Variants in COL6A3 observed in about 807,000 individuals in gnomAD.
COL6A3 encodes the protein collagen alpha-3(VI) chain.
In COL6A3, 137 loss-of-function variants were observed where a neutral mutation model predicts 274.1. The observed-to-expected ratio is 0.50, with a 90% CI of 0.44 to 0.58. The LOEUF (loss-of-function observed/expected upper bound fraction) is 0.58. Ranked by LOEUF, COL6A3 falls within the 20% of genes least tolerant of loss-of-function variation. The pLI is 0.00. For synonymous variants in COL6A3, 1,650 were observed against 1,650.6 expected (o/e 1.00, Z 0.01); for missense variants, 3,950 against 4,124.9 (o/e 0.96, Z 1.16).
chr2:237,368,442 T>C lies in COL6A3; in HGVS notation c.4900+121A>G. On this transcript the variant is annotated intron_variant, in intron 10 of 43. Coordinates refer to ENST00000295550, the MANE Select transcript of COL6A3 (RefSeq NM_004369.4). The surrounding 1 kb of genome is among the most constrained non-coding windows in gnomAD (Gnocchi z 4.4). Reference sequence around the variant, plus strand: ...TACTTTTCCAGTATTTAATTTCTAATATTATCTGAAGAAACAACCCAGAGA... The same window carrying C: ...TACTTTTCCAGTATTTAATTTCTAACATTATCTGAAGAAACAACCCAGAGA... The C allele has an allele frequency of 8.1e-7, 1 of 1,235,742 alleles. No individual in the cohort carries two copies. The highest frequency in any genetic ancestry group is 1.1e-6 in the Non-Finnish European group (1 of 897,088). 76.5% of individuals were successfully genotyped at this position (1,235,742 alleles called of 1,614,324 possible). A position where few individuals can be genotyped will look rare whatever the true frequency, so the allele number is the denominator to read the frequency against.
chr2:237,330,519 C>G (rs891724135), intron 42 of COL6A3, among the ~76,000 whole-genome samples: 1 of 152,092 alleles, frequency 6.6e-6, no homozygotes, highest in Non-Finnish European at 1.5e-5. Context: ...AAATATTAAC[C>G]ACTGAAAATC....
intron 6 of COL6A3, among the ~76,000 whole-genome samples, chr2:237,377,723 T>C (rs2077886499): frequency 6.6e-6 from 1 of 150,508 alleles, no homozygotes; most frequent in Non-Finnish European, 1.5e-5. Flanking sequence ...ATACCTTTGC[T>C]TAAAAAAATT....
In COL6A3 at chr2:237,368,509, T is replaced by TAAA; in HGVS notation, c.4900+51_4900+53dup. 1 of 1,382,242 alleles carries TAAA rather than the reference T, an allele frequency of 7.2e-7. No individual in the cohort carries two copies. Among genetic ancestry groups the TAAA allele is most frequent in the Non-Finnish European group, 9.9e-7 (1 of 1,008,488 alleles). 85.6% of individuals were successfully genotyped at this position (1,382,242 alleles called of 1,614,324 possible). On this transcript the variant is annotated intron_variant, in intron 10 of 43. Coordinates refer to ENST00000295550, the MANE Select transcript of COL6A3 (RefSeq NM_004369.4). This position sits in a 1 kb window ranked among gnomAD's most constrained non-coding sequence, Gnocchi z 4.4. The stretch of plus-strand genomic sequence containing the variant: ...AATGACTACTGATTACTTTTTTAAC[T>TAAA]AAAAAAAAAATGTTGATGTCACACT...
chr2:237,403,589 G>A (rs543483453), intron 1 of COL6A3, among the ~76,000 whole-genome samples: 1 of 152,282 alleles, frequency 6.6e-6, no homozygotes, highest in East Asian at 1.9e-4. Flanking sequence ...GCAATGAGTG[G>A]TGATAGCGGC....
rs754302357 is a variant in COL6A3 at position 237,378,895 on chromosome 2, G to T, written c.2238C>A (p.Leu746=). The T allele has an allele frequency of 2.5e-6, 4 of 1,614,236 alleles. No individual in the cohort carries two copies. The highest frequency in any genetic ancestry group is 2.5e-6 in the Non-Finnish European group (3 of 1,180,046). Residue 746 remains leucine (L), a synonymous_variant, in exon 6 of 44, where the codon CTC becomes CTA. Transcript: ENST00000295550. ...ACTGCCCAGCTGTGAGCAGAAGCAG[G>T]AGCTGCGGCACGTGTTCACGGATCC... ...GSRIREHVPQ[L]LLLLTAGQSE... is the part of the protein sequence containing the mutation.
chr2:237,367,295 G>C lies in COL6A3; in HGVS notation c.4901-9C>G, dbSNP rs2106351076. 6.2e-7 allele frequency: 1 copy of C among 1,608,992 alleles called. No homozygotes were observed. Among genetic ancestry groups the C allele is most frequent in the South Asian group, 1.1e-5 (1 of 89,812 alleles). ...GTCTGCTTTCTTCTTCTCTAGAAGT[G>C]ATTAAAGTGAAAATAAGGAGAGATT... On this transcript the variant is annotated splice_polypyrimidine_tract_variant and intron_variant, in intron 10 of 43. Coordinates refer to ENST00000295550, the MANE Select transcript of COL6A3 (RefSeq NM_004369.4).
chr2:237,399,102 G>T (rs2078525217), intron 1 of COL6A3, among the ~76,000 whole-genome samples: 1 of 152,132 alleles, frequency 6.6e-6, no homozygotes, highest in Non-Finnish European at 1.5e-5. Flanking sequence ...CACACTGAGG[G>T]TTCATAAGAT....
chr2:237,392,418 T>C (rs568889412), intron 3 of COL6A3, among the ~76,000 whole-genome samples: 1 of 152,346 alleles, frequency 6.6e-6, no homozygotes, highest in South Asian at 2.1e-4. Flanking sequence ...GTCCCTCCGA[T>C]GTGGTCCTGT....
intron 1 of COL6A3, among the ~76,000 whole-genome samples, chr2:237,408,003 T>C (rs879504134): frequency 6.6e-6 from 1 of 152,212 alleles, no homozygotes. Context: ...TGAACTAAGG[T>C]GCTACTGACC....
rs1559224167 is a variant in COL6A3, at chr2:237,357,810, A to G, written c.6537+7T>C. On this transcript the variant is annotated splice_region_variant and intron_variant, in intron 22 of 43. Transcript: ENST00000295550. ...CAGGGAGAGTCTAGGAATGTGCAGC[A>G]CCTTACCATGGGGCCGAGGTCACCG... 6.2e-7 allele frequency: 1 copy of G among 1,613,790 alleles called. No individual in the cohort carries two copies.
chr2:237,338,961 C>G, intron 39 of COL6A3, 54 bp downstream of exon 39: 2 of 1,411,156 alleles, frequency 1.4e-6, no homozygotes, highest in Non-Finnish European at 2.0e-6. Flanking sequence ...GTTGGAGGAC[C>G]TGTGCATTCC....
At chr2:237,365,086 TA>T (rs1224405564) in intron 12 of COL6A3, among the ~76,000 whole-genome samples, 2 of 148,340 alleles carry the variant, frequency 1.3e-5, no homozygotes, top group African/African-American at 2.5e-5. Context: ...GAGTGAACCT[TA>T]ATCTAGTATG....
rs145884404 is a variant in COL6A3, at chr2:237,341,073, C to T, written c.7843G>A (p.Asp2615Asn). 111 of 1,614,162 alleles carry T rather than the reference C, an allele frequency of 6.9e-5. 1 individual carries two copies. The highest frequency in any genetic ancestry group is 4.1e-4 in the South Asian group (37 of 91,078). ...ATGAAAGCCATGTCGATGTCCACAT[C>T]GCTCCCTGCCGCTCTCCTGTCCCTG... ...SFRDRRAAGS[D>N]VDIDMAFILD... The change falls in exon 38 of 44, where the codon GAT (aspartate) becomes AAT (asparagine). Residue 2615 changes from aspartate (D) to asparagine (N), a missense_variant. Physicochemically the swap from Asp to Asn is conservative, Grantham distance 23. Around this residue, in one of 5 missense-constraint regions of COL6A3, gnomAD observed 1,284 missense variants for 1,349.7 expected, o/e 0.95. Transcript: ENST00000295550.
At chr2:237,396,699 C>T (rs754961807) in intron 2 of COL6A3, 28 bp downstream of exon 2, 1 of 1,607,274 alleles carries the variant, frequency 6.2e-7, no homozygotes, top group Non-Finnish European at 8.5e-7. Flanking sequence ...TTCCTTTTTA[C>T]AAAATCAAGG....
chr2:237,373,556 C>G (rs751780035), intron 8 of COL6A3, among the ~76,000 whole-genome samples: 18 of 152,194 alleles, frequency 1.2e-4, no homozygotes, highest in Non-Finnish European at 2.4e-4. Flanking sequence ...TCATCACCCA[C>G]TGTATCCTGC....
intron 12 of COL6A3, among the ~76,000 whole-genome samples, chr2:237,365,379 C>T (rs962179944): frequency 2.6e-5 from 4 of 152,034 alleles, no homozygotes; most frequent in African/African-American, 9.7e-5. Context: ...CACATGCATG[C>T]ATGCACACAT....
In COL6A3 at chr2:237,372,276, C is replaced by A. The variant is rs577927810; in HGVS notation, c.3741G>T (p.Glu1247Asp). The A allele has an allele frequency of 9.9e-6, 16 of 1,613,186 alleles. No homozygotes were observed. In the East Asian group the frequency reaches 3.6e-4, roughly 36 times the overall value. ...CTATGAGGGTGCGAACGTACTGGAA[C>A]TCAGGCCCGGCACTTTGGGACCCAT... ...LIDGSQSAGP[E>D]FQYVRTLIER... is the part of the protein sequence containing the mutation. The change falls in exon 9 of 44, where the codon GAG becomes GAT. Residue 1247 changes from glutamate to aspartate, a missense_variant. This residue lies in a region of COL6A3 where 1,934 missense variants were observed against 1,984.3 expected (regional missense o/e 0.97). Coordinates refer to ENST00000295550, the MANE Select transcript of COL6A3 (RefSeq NM_004369.4).
At chr2:237,387,196 G>A (rs2078164635) in intron 4 of COL6A3, among the ~76,000 whole-genome samples, 1 of 152,144 alleles carries the variant, frequency 6.6e-6, no homozygotes, top group South Asian at 2.1e-4. Flanking sequence ...GACTTTTAGA[G>A]CTCAATGCCA....
In COL6A3 at chr2:237,361,322, T is replaced by C; in HGVS notation, c.6157-148A>G. ...TACTGCTTTTCCCCTCAGTACACCA[T>C]GTCACGATTCTCTCTATCAGGATCT... On this transcript the variant is annotated intron_variant, in intron 15 of 43. Coordinates refer to ENST00000295550, the MANE Select transcript of COL6A3 (RefSeq NM_004369.4). The surrounding 1 kb of genome is among the most constrained non-coding windows in gnomAD (Gnocchi z 5.1). 1.3e-6 allele frequency: 1 copy of C among 740,900 alleles called. No homozygotes were observed. 45.9% of individuals were successfully genotyped at this position (740,900 alleles called of 1,614,324 possible). A position where few individuals can be genotyped will look rare whatever the true frequency, so the allele number is the denominator to read the frequency against.
Sources: gnomAD v4.1 joint callset for allele counts (sites outside exome capture counted in the v4.1 genomes callset) on GRCh38, gnomAD v4.1.1 for gene constraint, gnomAD v4.1.1 regional missense constraint, Gnocchi (gnomAD v3.1) non-coding constraint, MANE v1.5 for transcripts, NCBI Gene and HGNC (gene_info 2026-07-23, HGNC 2026-07-21) for gene names.